Variants in MAP2 observed in about 807,000 individuals in gnomAD.
The protein encoded by MAP2 is microtubule associated protein 2.
In MAP2, 14 loss-of-function variants were observed where a neutral mutation model predicts 137.6. The ratio of observed to expected loss-of-function variants is 0.10; its 90% CI spans 0.07 to 0.16. The LOEUF is 0.16. Among genes scored for constraint, MAP2 ranks in the 10% least tolerant of loss-of-function variants. MAP2 has a pLI of 1.00. For missense variants in MAP2, 2,088 were observed against 2,191.5 expected, an observed-to-expected ratio of 0.95 and a Z score of 0.94; for synonymous variants, 786 against 782.3, an observed-to-expected ratio of 1.00 and a Z score of -0.08.
At chr2:209,488,291 G>A (rs10207360) in intron 1 of MAP2, among the ~76,000 whole-genome samples, 28,620 of 152,198 alleles carry the variant, frequency 0.19, 3,263 homozygotes, top group Non-Finnish European at 0.26. Context: ...ACAACCTGTA[G>A]ACCAGGAGGT....
chr2:209,586,863 G>A (rs1303015039), intron 3 of MAP2, among the ~76,000 whole-genome samples: 1 of 152,138 alleles, frequency 6.6e-6, no homozygotes, highest in Non-Finnish European at 1.5e-5. Context: ...GGAGTGGTTG[G>A]TGAGCAAGTC....
chr2:209,523,206 C>T (rs1348271920), intron 2 of MAP2, among the ~76,000 whole-genome samples: 1 of 152,094 alleles, frequency 6.6e-6, no homozygotes, highest in East Asian at 1.9e-4. Context: ...TCCCATAACA[C>T]CCCGAATGCA....
intron 2 of MAP2, among the ~76,000 whole-genome samples, chr2:209,534,071 C>T (rs2065578714): frequency 6.6e-6 from 1 of 152,178 alleles, no homozygotes; most frequent in African/African-American, 2.4e-5. Flanking sequence ...ATACCAAGAC[C>T]TGCCAAAGTG....
intron 1 of MAP2, among the ~76,000 whole-genome samples, chr2:209,446,586 C>T (rs1699114818): frequency 6.6e-6 from 1 of 151,492 alleles, no homozygotes; most frequent in African/African-American, 2.4e-5. Flanking sequence ...CATGAATGAG[C>T]CAAGGAAAAA....
At chr2:209,641,911 C>T (rs1026088881) in intron 4 of MAP2, among the ~76,000 whole-genome samples, 1 of 152,062 alleles carries the variant, frequency 6.6e-6, no homozygotes, top group African/African-American at 2.4e-5. Flanking sequence ...ACCAATCGAG[C>T]AGGTTTACAA....
intron 1 of MAP2, among the ~76,000 whole-genome samples, chr2:209,495,864 G>A (rs1244940583): frequency 2.0e-5 from 3 of 152,176 alleles, no homozygotes; most frequent in Non-Finnish European, 2.9e-5. Flanking sequence ...CCATGATTTA[G>A]ACATTTGAAA....
In MAP2 at chr2:209,568,264, A is replaced by C. The variant is rs572929923; in HGVS notation, c.-171-11772A>C. Among the ~76,000 whole-genome samples the C allele has an allele frequency of 3.5e-3, 532 of 152,066 alleles. 3 individuals are homozygous for C. The highest frequency in any genetic ancestry group is 0.01 in the Middle Eastern group (3 of 294). ...CAAGAGAATAAGTCTGGATTTCATAAATTTTTGGAATATGGATTTCAGTTA... is the reference window on the plus strand; with the variant it reads ...CAAGAGAATAAGTCTGGATTTCATACATTTTTGGAATATGGATTTCAGTTA... On this transcript the variant is annotated intron_variant, in intron 2 of 15. Coordinates refer to ENST00000682079, the MANE Select transcript of MAP2 (RefSeq NM_001375505.1).
At chr2:209,510,051 T>G (rs1186419188) in intron 2 of MAP2, among the ~76,000 whole-genome samples, 2 of 151,052 alleles carry the variant, frequency 1.3e-5, no homozygotes, top group Non-Finnish European at 1.5e-5. Context: ...AAAGTCAGAA[T>G]GAAATCTAGA....
intron 3 of MAP2, among the ~76,000 whole-genome samples, chr2:209,621,257 A>G (rs1351839006): frequency 4.8e-5 from 6 of 125,146 alleles, no homozygotes; most frequent in Admixed American, 8.0e-5. Flanking sequence ...AGGCATCTTG[A>G]TTTTTTTTTT....
At chr2:209,500,551 A>G (rs2060251382) in intron 1 of MAP2, among the ~76,000 whole-genome samples, 3 of 151,966 alleles carry the variant, frequency 2.0e-5, no homozygotes, top group Admixed American at 2.0e-4. Flanking sequence ...CCCTTCACTG[A>G]TCTCCCAAAA....
intron 5 of MAP2, among the ~76,000 whole-genome samples, chr2:209,670,921 C>T (rs188302356): frequency 6.6e-6 from 1 of 151,988 alleles, no homozygotes; most frequent in East Asian, 1.9e-4. Context: ...TTTCTATCCC[C>T]CACTAGTGAC....
intron 14 of MAP2, 29 bp from the exon 15 acceptor site, chr2:209,729,821 G>C (rs752840849): frequency 1.2e-5 from 18 of 1,474,426 alleles, no homozygotes; most frequent in Admixed American, 8.5e-5. Flanking sequence ...GCAAGATATA[G>C]TTAAATCAAG....
chr2:209,702,228 A>G (rs2061967599), intron 11 of MAP2, among the ~76,000 whole-genome samples: 1 of 152,002 alleles, frequency 6.6e-6, no homozygotes, highest in South Asian at 2.1e-4. Flanking sequence ...AGCACTTGGA[A>G]CAGAACCATA....
intron 10 of MAP2, among the ~76,000 whole-genome samples, chr2:209,699,970 A>G (rs1400821570): frequency 1.3e-5 from 2 of 152,156 alleles, no homozygotes; most frequent in African/African-American, 2.4e-5. Flanking sequence ...CTTCTGTTCT[A>G]AAGGATCTCC....
intron 3 of MAP2, among the ~76,000 whole-genome samples, chr2:209,610,913 A>T (rs1302278306): frequency 6.6e-6 from 1 of 152,148 alleles, no homozygotes; most frequent in Non-Finnish European, 1.5e-5. Context: ...CTTTTGTAGA[A>T]ATAATATAAA....
chr2:209,571,547 G>A (rs933978106), intron 2 of MAP2, among the ~76,000 whole-genome samples: 2 of 151,944 alleles, frequency 1.3e-5, no homozygotes, highest in Non-Finnish European at 1.5e-5. Context: ...GAGAGTCTTA[G>A]TTGTTCAACT....
chr2:209,610,006 G>C (rs2086257654), intron 3 of MAP2, among the ~76,000 whole-genome samples: 1 of 152,082 alleles, frequency 6.6e-6, no homozygotes, highest in African/African-American at 2.4e-5. Context: ...ATGTCCTCAT[G>C]AGGTTCACAG....
chr2:209,641,559 C>T lies in MAP2; in HGVS notation c.-29-11583C>T, dbSNP rs552135749. 1.3e-4 allele frequency among the ~76,000 whole-genome samples: 19 copies of T among 150,936 alleles called. No individual in the cohort carries two copies. In the East Asian group the frequency reaches 3.5e-3, roughly 28 times the overall value. On this transcript the variant is annotated intron_variant, in intron 4 of 15. Coordinates refer to ENST00000682079, the MANE Select transcript of MAP2 (RefSeq NM_001375505.1). Reference sequence around the variant, plus strand: ...TGGTTTAGCATCATGTCCAAGTTTACGTATCTAGTAAGCGGTAGACCCAGG... The same window carrying T: ...TGGTTTAGCATCATGTCCAAGTTTATGTATCTAGTAAGCGGTAGACCCAGG...
In MAP2 at chr2:209,668,363, C is replaced by A. The variant is rs75551498; in HGVS notation, c.263-10209C>A. ...ATGTAAAATTTTATTTCAACAAACG[C>A]CCCAGAGATATTTTCTAAAGATTTG... is the stretch of plus-strand genomic sequence containing the variant. On this transcript the variant is annotated intron_variant, in intron 5 of 15. Transcript: ENST00000682079. Among the ~76,000 whole-genome samples, 823 of 151,996 alleles carry A rather than the reference C, an allele frequency of 5.4e-3. 6 individuals are homozygous for A. The highest frequency in any genetic ancestry group is 0.019 in the African/African-American group (802 of 41,486).
Sources: allele counts gnomAD v4.1 joint callset (sites outside exome capture counted in the v4.1 genomes callset), GRCh38; gene constraint gnomAD v4.1.1; transcripts MANE v1.5; gene names NCBI Gene and HGNC (gene_info 2026-07-23, HGNC 2026-07-21).